Variants in RTKN2 observed in about 807,000 individuals in gnomAD.
RTKN2 encodes rhotekin-2.
RTKN2 carries 69 observed loss-of-function variants against 71.5 expected under a neutral mutation model. The ratio of observed to expected loss-of-function variants is 0.96; its 90% CI spans 0.79 to 1.18. The LOEUF is 1.18. Ranked by LOEUF, RTKN2 falls within the 50% of genes most tolerant of loss-of-function variation. RTKN2 has a pLI of 0.00. For synonymous variants in RTKN2, 236 were observed against 236.5 expected (o/e 1.00, Z 0.02); for missense variants, 724 against 719.7 (o/e 1.01, Z -0.07).
chr10:62,217,214 C>T lies in RTKN2; in HGVS notation c.924G>A (p.Leu308=), dbSNP rs1841790676. Residue 308 remains leucine (L), a synonymous_variant, in exon 9 of 12, where the codon TTG becomes TTA. Coordinates refer to ENST00000373789, the MANE Select transcript of RTKN2 (RefSeq NM_145307.4). ...GTTTACCTCCTCGCAAAACACAATA[C>T]AACCTTCTCCAACTAATCAGACCTT... ...MVEGLISWRR[L]YCVLRGGKLY... 1.9e-6 allele frequency: 3 copies of T among 1,585,476 alleles called. No individual in the cohort carries two copies. The highest frequency in any genetic ancestry group is 2.6e-6 in the Non-Finnish European group (3 of 1,165,934).
chr10:62,218,279 G>A lies in RTKN2; in HGVS notation c.804C>T (p.Pro268=). Residue 268 remains proline (P), a synonymous_variant, in exon 8 of 12, where the codon CCC becomes CCT. Transcript: ENST00000373789. The stretch of plus-strand genomic sequence containing the variant: ...GTCGGCAGCACATGTTGCCATACAG[G>A]GGAAGCCAAAATGAAGACTCCTCTA... ...NGNEESSFWL[P]LYGNMCCRLV... The A allele has an allele frequency of 3.7e-6, 6 of 1,611,528 alleles. No individual in the cohort carries two copies. The highest frequency in any genetic ancestry group is 5.1e-6 in the Non-Finnish European group (6 of 1,178,936).
intron 2 of RTKN2, among the ~76,000 whole-genome samples, chr10:62,250,070 G>A (rs1004615544): frequency 2.0e-5 from 3 of 152,194 alleles, no homozygotes; most frequent in African/African-American, 4.8e-5. Context: ...TTAATTTACC[G>A]TAAATGGGGA....
rs1841340982 is a variant in RTKN2, at chr10:62,196,806, A to AC, written c.*1101_*1102insG. 1 of 975,480 alleles carries AC rather than the reference A, an allele frequency of 1.0e-6. No individual in the cohort carries two copies. The highest frequency in any genetic ancestry group is 1.8e-5 in the African/African-American group (1 of 57,018). The allele number at this position is 975,480 out of a possible 1,614,324, so 60.4% of individuals were successfully genotyped here. A position where few individuals can be genotyped will look rare whatever the true frequency, so the allele number is the denominator to read the frequency against. On this transcript the variant is annotated 3_prime_UTR_variant, in exon 12 of 12. Transcript: ENST00000373789. ...GCTCTTGTTTACAAAAAGCATTATT[A>AC]TAAAAAATGGATTTTTTGTTCCTTT...
chr10:62,226,604 C>T (rs117950042), intron 6 of RTKN2, among the ~76,000 whole-genome samples: 1,798 of 152,298 alleles, frequency 0.012, 12 homozygotes, highest in Non-Finnish European at 0.019. Flanking sequence ...CACACTTAGG[C>T]TTTTCAAAAG....
chr10:62,254,120 A>C (rs1842630886), intron 2 of RTKN2, among the ~76,000 whole-genome samples: 1 of 152,218 alleles, frequency 6.6e-6, no homozygotes, highest in Non-Finnish European at 1.5e-5. Flanking sequence ...TTTAATAACA[A>C]GACCATAAGA....
chr10:62,250,875 C>T (rs141758988), intron 2 of RTKN2, among the ~76,000 whole-genome samples: 8,758 of 152,264 alleles, frequency 0.058, 279 homozygotes, highest in Middle Eastern at 0.082. Context: ...AAGTGATCCA[C>T]CCACCTCGGC....
At position 62,239,673 on chromosome 10, in the gene RTKN2, T is replaced by C. The variant is rs1482784705; in HGVS notation, c.463A>G (p.Ile155Val). 2 of 1,511,228 alleles carry C rather than the reference T, an allele frequency of 1.3e-6. No individual in the cohort carries two copies. The highest frequency in any genetic ancestry group is 2.4e-5 in the South Asian group (2 of 82,260). 93.6% of individuals were successfully genotyped at this position (1,511,228 alleles called of 1,614,324 possible). ...VVNVDKTITD[I>V]CFENVTIFNE... is the part of the protein sequence containing the mutation. ...AATATGGTTACATTTTCAAAACATATATCTGTGATTGTTTTATCCACATTC... is the reference window on the plus strand; with the variant it reads ...AATATGGTTACATTTTCAAAACATACATCTGTGATTGTTTTATCCACATTC... Residue 155 changes from isoleucine (I) to valine (V), a missense_variant, in exon 5 of 12, where the codon ATA becomes GTA. Physicochemically the swap from Ile to Val is conservative, Grantham distance 29. Transcript: ENST00000373789.
At chr10:62,261,360 G>A (rs1365496946) in intron 2 of RTKN2, among the ~76,000 whole-genome samples, 7 of 152,126 alleles carry the variant, frequency 4.6e-5, no homozygotes, top group Non-Finnish European at 2.9e-5. Flanking sequence ...TAGCTATCCC[G>A]GCAGGGCACA....
chr10:62,200,132 G>T (rs1841409878), intron 10 of RTKN2, among the ~76,000 whole-genome samples: 1 of 152,046 alleles, frequency 6.6e-6, no homozygotes, highest in African/African-American at 2.4e-5. Flanking sequence ...GGAAGGCCTA[G>T]GTGGGCAGAT....
Position 62,223,453 on chromosome 10 carries a change from A to G in RTKN2, c.687-121T>C, listed in dbSNP as rs1841954212. On this transcript the variant is annotated intron_variant, in intron 6 of 11. Transcript: ENST00000373789. ...ATTTAAAGATAAGCAAAGGACGTGA[A>G]TAGACATTTCTCCAAAGAGAGGACA... The G allele has an allele frequency of 8.3e-6, 5 of 605,724 alleles. No homozygotes were observed. In the South Asian group the frequency reaches 1.1e-4, roughly 14 times the overall value. The allele number at this position is 605,724 out of a possible 1,614,324, so 37.5% of individuals were successfully genotyped here. A position where few individuals can be genotyped will look rare whatever the true frequency, so the allele number is the denominator to read the frequency against.
At chr10:62,237,884 G>A (rs1019529629) in intron 5 of RTKN2, among the ~76,000 whole-genome samples, 3 of 151,450 alleles carry the variant, frequency 2.0e-5, no homozygotes, top group African/African-American at 7.3e-5. Context: ...AAATAAATAC[G>A]CAAAATTCTG....
chr10:62,244,565 G>A (rs1346286439), intron 3 of RTKN2, among the ~76,000 whole-genome samples: 2 of 151,960 alleles, frequency 1.3e-5, no homozygotes, highest in African/African-American at 2.4e-5. Context: ...TTTATATACT[G>A]AGTGACACTA....
At chr10:62,228,515 G>A (rs1436884774) in intron 6 of RTKN2, among the ~76,000 whole-genome samples, 3 of 152,116 alleles carry the variant, frequency 2.0e-5, no homozygotes, top group African/African-American at 7.2e-5. Flanking sequence ...GGCAGAAGAG[G>A]AAGTAGATAG....
chr10:62,238,272 A>G (rs892422091), intron 5 of RTKN2: 1 of 152,028 alleles, frequency 6.6e-6, no homozygotes, highest in African/African-American at 2.4e-5. Flanking sequence ...ATACTTATTA[A>G]AAACAATCAT....
chr10:62,265,127 G>C (rs1842846422), intron 1 of RTKN2, among the ~76,000 whole-genome samples: 1 of 152,032 alleles, frequency 6.6e-6, no homozygotes, highest in Admixed American at 6.6e-5. Context: ...CGTGTAAAAA[G>C]TTTGAAGATG....
chr10:62,253,387 A>G (rs1399773203), intron 2 of RTKN2, among the ~76,000 whole-genome samples: 7 of 152,212 alleles, frequency 4.6e-5, no homozygotes, highest in African/African-American at 1.4e-4. Flanking sequence ...ACAAGCTTTA[A>G]TAATAAAAAA....
At chr10:62,206,765 T>C (rs1457046681) in intron 9 of RTKN2, among the ~76,000 whole-genome samples, 1 of 152,098 alleles carries the variant, frequency 6.6e-6, no homozygotes, top group African/African-American at 2.4e-5. Flanking sequence ...TAGAGTCTTT[T>C]TACACTTCTA....
intron 6 of RTKN2, among the ~76,000 whole-genome samples, chr10:62,224,365 T>G (rs975519459): frequency 6.6e-6 from 1 of 152,100 alleles, no homozygotes; most frequent in Non-Finnish European, 1.5e-5. Context: ...ATAGATGACA[T>G]TTTTCAACGA....
chr10:62,191,701 G>A (rs1841226148), downstream of RTKN2, among the ~76,000 whole-genome samples: 2 of 152,148 alleles, frequency 1.3e-5, no homozygotes, highest in Admixed American at 1.3e-4. Context: ...GTGAGCTTAA[G>A]AATAGGCTGT....
Sources: allele counts gnomAD v4.1 joint callset (sites outside exome capture counted in the v4.1 genomes callset), GRCh38; gene constraint gnomAD v4.1.1; transcripts MANE v1.5; gene names NCBI Gene and HGNC (gene_info 2026-07-23, HGNC 2026-07-21).